ARID4A: variants seen among roughly 807,000 people sequenced by gnomAD.
ARID4A encodes the protein AT-rich interaction domain 4A, also known as AT-rich interactive domain-containing protein 4A.
ARID4A carries 39 observed loss-of-function variants against 148.6 expected under a neutral mutation model. The ratio of observed to expected loss-of-function variants is 0.26; its 90% CI spans 0.20 to 0.34. The LOEUF (loss-of-function observed/expected upper bound fraction) is 0.34, where lower values mean the gene tolerates loss of function less well. Ranked by LOEUF, ARID4A falls within the 10% of genes least tolerant of loss-of-function variation. The pLI is 1.00. For synonymous variants in ARID4A, 475 were observed against 481.2 expected (o/e 0.99, Z 0.17); for missense variants, 1,265 against 1,449.1 (o/e 0.87, Z 2.06).
intron 8 of ARID4A, among the ~76,000 whole-genome samples, chr14:58,324,861 C>T (rs2033126593): frequency 6.6e-6 from 1 of 152,052 alleles, no homozygotes; most frequent in Non-Finnish European, 1.5e-5. Flanking sequence ...TTCTAAGCTC[C>T]TTAGAAGATA....
Position 58,325,539 on chromosome 14 carries a change from C to T in ARID4A, c.582+1922C>T, listed in dbSNP as rs1021950767. ...GGCTCAGACAATGGCCTTGGCCTTC[C>T]GAGGTGCTGGAATCACAGGTGTGAG... On this transcript the variant is annotated intron_variant, in intron 8 of 23. Coordinates refer to ENST00000355431, the MANE Select transcript of ARID4A (RefSeq NM_002892.4). Among the ~76,000 whole-genome samples, 74 of 152,250 alleles carry T rather than the reference C, an allele frequency of 4.9e-4. 2 individuals are homozygous for T. The highest frequency in any genetic ancestry group is 4.0e-3 in the Admixed American group (61 of 15,282).
chr14:58,323,880 C>T (rs2140177030), intron 8 of ARID4A, among the ~76,000 whole-genome samples: 1 of 148,536 alleles, frequency 6.7e-6, no homozygotes, highest in East Asian at 1.9e-4. Context: ...ACTCTATTCC[C>T]ATTACCTTAG....
intron 3 of ARID4A, among the ~76,000 whole-genome samples, chr14:58,303,203 CAT>C (rs1297619740): frequency 3.3e-5 from 5 of 152,140 alleles, no homozygotes; most frequent in Admixed American, 6.5e-5. Flanking sequence ...TCATGGGCTA[CAT>C]AGTCATGTTT....
intron 3 of ARID4A, 66 bp from the exon 4 acceptor site, chr14:58,304,878 T>C (rs1206567854): frequency 3.9e-6 from 5 of 1,288,878 alleles, no homozygotes; most frequent in African/African-American, 3.0e-5. Context: ...ATTATTGTTA[T>C]AGTGTTACTA....
chr14:58,364,301 A>G lies in ARID4A; in HGVS notation c.2212A>G (p.Lys738Glu). 3 of 1,562,304 alleles carry G rather than the reference A, an allele frequency of 1.9e-6. No homozygotes were observed. The highest frequency in any genetic ancestry group is 2.6e-6 in the Non-Finnish European group (3 of 1,164,536). Residue 738 changes from lysine (K) to glutamate (E), a missense_variant, in exon 20 of 24, where the codon AAG becomes GAG. Lys to Glu is a moderately conservative substitution (Grantham distance 56). Transcript: ENST00000355431. ...TGATAAGCTAGATGAAGAAAATCCAAAGATTTCTGCACATATATTAAAAGA... is the reference window on the plus strand; with the variant it reads ...TGATAAGCTAGATGAAGAAAATCCAGAGATTTCTGCACATATATTAAAAGA... ...NDDKLDEENPKISAHILKEND... is the reference protein window; with the variant it reads ...NDDKLDEENPEISAHILKEND...
chr14:58,307,969 C>T (rs1007101264), intron 5 of ARID4A, among the ~76,000 whole-genome samples: 1 of 150,162 alleles, frequency 6.7e-6, no homozygotes, highest in Admixed American at 6.7e-5. Flanking sequence ...TATATTGCAC[C>T]TTATATTTTA....
At chr14:58,317,422 C>T (rs2032516134) in intron 5 of ARID4A, among the ~76,000 whole-genome samples, 2 of 148,676 alleles carry the variant, frequency 1.3e-5, no homozygotes, top group African/African-American at 2.5e-5. Context: ...GTAGCTGGGA[C>T]TACAGGCGCC....
intron 11 of ARID4A, among the ~76,000 whole-genome samples, chr14:58,343,569 C>T (rs1256719407): frequency 6.6e-6 from 1 of 152,176 alleles, no homozygotes; most frequent in Non-Finnish European, 1.5e-5. Flanking sequence ...TGGCTTATGC[C>T]TGTAATCCCA....
intron 14 of ARID4A, 30 bp downstream of exon 14, chr14:58,347,147 T>C: frequency 8.6e-7 from 1 of 1,163,588 alleles, no homozygotes; most frequent in Non-Finnish European, 1.2e-6. Context: ...CATCAAAGAA[T>C]ATATATTTAT....
At chr14:58,324,636 C>T (rs1313438615) in intron 8 of ARID4A, among the ~76,000 whole-genome samples, 1 of 152,120 alleles carries the variant, frequency 6.6e-6, no homozygotes, top group Non-Finnish European at 1.5e-5. Flanking sequence ...CAGAAATAGA[C>T]AACCTTCAGC....
chr14:58,357,929 G>A (rs915224734), intron 17 of ARID4A, among the ~76,000 whole-genome samples: 15 of 152,216 alleles, frequency 9.9e-5, no homozygotes, highest in African/African-American at 3.6e-4. Context: ...AAGGCCAGGT[G>A]CAATGGCTCA....
At chr14:58,332,436 A>T (rs1263412892) in intron 11 of ARID4A, among the ~76,000 whole-genome samples, 1 of 152,154 alleles carries the variant, frequency 6.6e-6, no homozygotes, top group Non-Finnish European at 1.5e-5. Flanking sequence ...TATTAAACTA[A>T]TTCTTTTTCT....
At chr14:58,307,753 G>T (rs2031720070) in intron 5 of ARID4A, among the ~76,000 whole-genome samples, 1 of 152,328 alleles carries the variant, frequency 6.6e-6, no homozygotes, top group African/African-American at 2.4e-5. Context: ...CTGGGAGGCG[G>T]AGGTTGCAGT....
chr14:58,298,961 G>A (rs560870714), intron 1 of ARID4A, among the ~76,000 whole-genome samples: 2 of 152,316 alleles, frequency 1.3e-5, no homozygotes, highest in South Asian at 4.1e-4. Context: ...TGGCCGCGCC[G>A]CTAAGTTTGC....
At position 58,346,488 on chromosome 14, in the gene ARID4A, C is replaced by G; in HGVS notation, c.1057C>G (p.Gln353Glu). The stretch of plus-strand genomic sequence containing the variant: ...CAAACTCTTCAGACTGGTTTATCAT[C>G]AGGGTGGATGTGACAATGTAAGTAT... ...LFKLFRLVYH[Q>E]GGCDNIDSGA... is the part of the protein sequence containing the mutation. Residue 353 changes from glutamine to glutamate, a missense_variant, in exon 13 of 24, where the codon CAG becomes GAG. Around this residue, in one of 9 missense-constraint regions of ARID4A, gnomAD observed 249 missense variants for 277.2 expected, o/e 0.90. Coordinates refer to ENST00000355431, the MANE Select transcript of ARID4A (RefSeq NM_002892.4). 6.2e-7 allele frequency: 1 copy of G among 1,607,430 alleles called. No individual in the cohort carries two copies. Among genetic ancestry groups the G allele is most frequent in the Non-Finnish European group, 8.5e-7 (1 of 1,175,246 alleles).
intron 7 of ARID4A, among the ~76,000 whole-genome samples, chr14:58,320,355 G>A (rs1029259803): frequency 2.0e-5 from 3 of 152,124 alleles, no homozygotes; most frequent in Admixed American, 6.6e-5. Context: ...ACAAGGAGAT[G>A]TTCTTACATA....
chr14:58,346,479 G>A lies in ARID4A; in HGVS notation c.1048G>A (p.Val350Ile). Residue 350 changes from valine (V) to isoleucine (I), a missense_variant, in exon 13 of 24, where the codon GTT becomes ATT. Around this residue, in one of 9 missense-constraint regions of ARID4A, gnomAD observed 249 missense variants for 277.2 expected, o/e 0.90. Coordinates refer to ENST00000355431, the MANE Select transcript of ARID4A (RefSeq NM_002892.4). Reference sequence around the variant, plus strand: ...CAATCTCTTCAAACTCTTCAGACTGGTTTATCATCAGGGTGGATGTGACAA... The same window carrying A: ...CAATCTCTTCAAACTCTTCAGACTGATTTATCATCAGGGTGGATGTGACAA... ...DLNLFKLFRL[V>I]YHQGGCDNID... The A allele has an allele frequency of 6.2e-7, 1 of 1,609,736 alleles. No individual in the cohort carries two copies. Among genetic ancestry groups the A allele is most frequent in the Non-Finnish European group, 8.5e-7 (1 of 1,177,442 alleles).
At chr14:58,322,343 G>T (rs1013944266) in intron 7 of ARID4A, among the ~76,000 whole-genome samples, 5 of 152,128 alleles carry the variant, frequency 3.3e-5, no homozygotes, top group African/African-American at 1.2e-4. Flanking sequence ...TCAATACCCA[G>T]TATTTTATTT....
intron 19 of ARID4A, among the ~76,000 whole-genome samples, chr14:58,363,414 T>C (rs573726970): frequency 4.8e-4 from 73 of 152,192 alleles, no homozygotes; most frequent in Non-Finnish European, 8.8e-4. Context: ...TTAAAAACTT[T>C]TCTTGCTGGG....
Sources: gnomAD v4.1 joint callset for allele counts (sites outside exome capture counted in the v4.1 genomes callset) on GRCh38, gnomAD v4.1.1 for gene constraint, gnomAD v4.1.1 regional missense constraint, MANE v1.5 for transcripts, NCBI Gene and HGNC (gene_info 2026-07-23, HGNC 2026-07-21) for gene names.